GLRA3: variants seen among roughly 807,000 people sequenced by gnomAD.
GLRA3 encodes the protein glycine receptor alpha 3.
Under a neutral mutation model 60.4 loss-of-function variants are expected in GLRA3, and 44 were observed. That is an observed-to-expected ratio of 0.73 (90% CI 0.57 to 0.94). The LOEUF (loss-of-function observed/expected upper bound fraction) is 0.94, where lower values mean the gene tolerates loss of function less well. GLRA3 is among the 40% of genes least tolerant of loss of function. GLRA3 has a pLI of 0.00. For missense variants in GLRA3, 508 were observed against 564.6 expected (o/e 0.90, Z 1.02); for synonymous variants, 223 against 192.9 (o/e 1.16, Z -1.29).
chr4:174,737,553 G>A (rs531353096), intron 3 of GLRA3, among the ~76,000 whole-genome samples: 51 of 151,206 alleles, frequency 3.4e-4, no homozygotes, highest in African/African-American at 1.1e-3. Flanking sequence ...TCTCTCTGTC[G>A]CCCAGGCTGG....
At chr4:174,697,369 G>A (rs1314944183) in intron 5 of GLRA3, among the ~76,000 whole-genome samples, 37 of 152,154 alleles carry the variant, frequency 2.4e-4, no homozygotes, top group Admixed American at 2.4e-3. Flanking sequence ...TCAAAAAGCA[G>A]AAGGAAGAAA....
chr4:174,740,525 G>T (rs1736977604), intron 3 of GLRA3, among the ~76,000 whole-genome samples: 1 of 152,146 alleles, frequency 6.6e-6, no homozygotes, highest in Admixed American at 6.5e-5. Flanking sequence ...GAGCAGAAAA[G>T]TTACCCAGCA....
At chr4:174,732,797 GTGTA>G (rs1193669574) in intron 3 of GLRA3, among the ~76,000 whole-genome samples, 4 of 151,220 alleles carry the variant, frequency 2.6e-5, no homozygotes, top group East Asian at 1.9e-4. Context: ...ATATATTTAT[GTGTA>G]TGTATGTATG....
chr4:174,806,930 C>G (rs1225187795), intron 1 of GLRA3, among the ~76,000 whole-genome samples: 1 of 151,930 alleles, frequency 6.6e-6, no homozygotes, highest in Non-Finnish European at 1.5e-5. Context: ...CCAATAAAGT[C>G]TCTGTAACTA....
chr4:174,636,987 T>C lies in GLRA3; in HGVS notation c.*6799A>G, dbSNP rs552240952. 1.1e-4 allele frequency: 17 copies of C among 152,348 alleles called. No homozygotes were observed. The highest frequency in any genetic ancestry group is 7.7e-4 in the East Asian group (4 of 5,194). The allele number at this position is 152,348 out of a possible 1,614,324, so 9.4% of individuals were successfully genotyped here. A position where few individuals can be genotyped will look rare whatever the true frequency, so the allele number is the denominator to read the frequency against. ...CTATAGTTACATGTTAAATACTTTA[T>C]ACTGTTCACAGGTTAATGACTCTGA... On this transcript the variant is annotated 3_prime_UTR_variant, in exon 10 of 10. Coordinates refer to ENST00000274093, the MANE Select transcript of GLRA3 (RefSeq NM_006529.4).
At chr4:174,715,192 T>C (rs1298779175) in intron 5 of GLRA3, among the ~76,000 whole-genome samples, 1 of 152,208 alleles carries the variant, frequency 6.6e-6, no homozygotes, top group Non-Finnish European at 1.5e-5. Context: ...TAAGTGATAG[T>C]TTGTTTTTAA....
At chr4:174,672,872 C>G (rs1014712472) in intron 7 of GLRA3, among the ~76,000 whole-genome samples, 1 of 152,022 alleles carries the variant, frequency 6.6e-6, no homozygotes, top group South Asian at 2.1e-4. Context: ...AGAGATTCCC[C>G]CACCCTGCCA....
intron 1 of GLRA3, among the ~76,000 whole-genome samples, chr4:174,798,853 G>A (rs564288389): frequency 1.8e-4 from 28 of 152,150 alleles, no homozygotes; most frequent in Non-Finnish European, 3.4e-4. Flanking sequence ...CCCGGGAGGC[G>A]GAGCTTGCAG....
intron 9 of GLRA3, among the ~76,000 whole-genome samples, chr4:174,647,069 A>G (rs750610381): frequency 6.6e-6 from 1 of 152,194 alleles, no homozygotes; most frequent in Non-Finnish European, 1.5e-5. Context: ...GATAAAATTG[A>G]GAGGAAAGTG....
chr4:174,823,835 TTAA>T (rs1374118034), intron 1 of GLRA3, among the ~76,000 whole-genome samples: 42 of 152,302 alleles, frequency 2.8e-4, no homozygotes, highest in Middle Eastern at 3.4e-3. Context: ...ATATATGCTA[TTAA>T]TAATAACTGG....
chr4:174,686,910 C>T (rs1734571898), intron 5 of GLRA3, among the ~76,000 whole-genome samples: 2 of 152,136 alleles, frequency 1.3e-5, no homozygotes, highest in Non-Finnish European at 2.9e-5. Context: ...TTCAAATTTC[C>T]AGTTTAAAAT....
At position 174,664,206 on chromosome 4, in the gene GLRA3, C is replaced by A. The variant is rs7656899; in HGVS notation, c.928-5009G>T. Among the ~76,000 whole-genome samples the A allele has an allele frequency of 2.7e-3, 416 of 152,148 alleles. 2 individuals are homozygous for A. Among genetic ancestry groups the A allele is most frequent in the African/African-American group, 9.8e-3 (405 of 41,454 alleles). On this transcript the variant is annotated intron_variant, in intron 7 of 9. Coordinates refer to ENST00000274093, the MANE Select transcript of GLRA3 (RefSeq NM_006529.4). ...TGGCCTGGGCCCTTTTCTATTCTCA[C>A]TGGGACACGACTCACTAATCCATCG...
At chr4:174,807,367 A>G (rs928883065) in intron 1 of GLRA3, among the ~76,000 whole-genome samples, 1 of 152,080 alleles carries the variant, frequency 6.6e-6, no homozygotes, top group African/African-American at 2.4e-5. Flanking sequence ...AAATGACTAA[A>G]CACAGATTCA....
chr4:174,687,919 C>A (rs1235003654), intron 5 of GLRA3, among the ~76,000 whole-genome samples: 2 of 152,054 alleles, frequency 1.3e-5, no homozygotes, highest in Admixed American at 1.3e-4. Flanking sequence ...AGGAAGAGTT[C>A]ATTGATATGG....
At chr4:174,691,852 C>T (rs1443674313) in intron 5 of GLRA3, among the ~76,000 whole-genome samples, 2 of 151,776 alleles carry the variant, frequency 1.3e-5, no homozygotes, top group Non-Finnish European at 2.9e-5. Flanking sequence ...CCTGGCCGCC[C>T]ATCGTCTGGG....
chr4:174,668,731 C>T (rs777345518), intron 7 of GLRA3, among the ~76,000 whole-genome samples: 10 of 152,160 alleles, frequency 6.6e-5, no homozygotes, highest in Non-Finnish European at 1.0e-4. Flanking sequence ...ATCTCATCTA[C>T]ACCTACGTGT....
chr4:174,759,940 T>C (rs767701779), intron 3 of GLRA3, among the ~76,000 whole-genome samples: 6 of 152,140 alleles, frequency 3.9e-5, no homozygotes, highest in Non-Finnish European at 7.4e-5. Context: ...TTTATGCACT[T>C]GGGTGAGAGA....
intron 1 of GLRA3, among the ~76,000 whole-genome samples, chr4:174,805,974 T>A (rs2111353945): frequency 6.6e-6 from 1 of 152,180 alleles, no homozygotes; most frequent in South Asian, 2.1e-4. Flanking sequence ...TGGGAAGGGA[T>A]CATGTGGAGC....
At chr4:174,794,701 T>C (rs1408767319) in intron 1 of GLRA3, among the ~76,000 whole-genome samples, 1 of 152,206 alleles carries the variant, frequency 6.6e-6, no homozygotes, top group Non-Finnish European at 1.5e-5. Flanking sequence ...TTAAGTCTTA[T>C]CTCATTTCTT....
Sources: allele counts gnomAD v4.1 joint callset (sites outside exome capture counted in the v4.1 genomes callset), GRCh38; gene constraint gnomAD v4.1.1; transcripts MANE v1.5; gene names NCBI Gene and HGNC (gene_info 2026-07-23, HGNC 2026-07-21).